CCSER1: variants seen among roughly 807,000 people sequenced by gnomAD.
CCSER1 encodes coiled-coil serine rich protein 1.
In CCSER1, 41 loss-of-function variants were observed where a neutral mutation model predicts 82.0. The observed-to-expected ratio is 0.50, with a 90% CI of 0.39 to 0.65. The LOEUF (loss-of-function observed/expected upper bound fraction) is 0.65. Ranked by LOEUF, CCSER1 falls within the 30% of genes least tolerant of loss-of-function variation. The probability of loss-of-function intolerance (pLI) is 0.00; values close to 1 mark genes in which losing one functional copy is unlikely to be tolerated. For synonymous variants in CCSER1, 414 were observed against 383.9 expected, an observed-to-expected ratio of 1.08 and a Z score of -0.92; for missense variants, 1,119 against 1,064.2, an observed-to-expected ratio of 1.05 and a Z score of -0.72.
chr4:91,206,661 A>G (rs2149077041), intron 10 of CCSER1, among the ~76,000 whole-genome samples: 1 of 151,982 alleles, frequency 6.6e-6, no homozygotes, highest in Admixed American at 6.6e-5. Flanking sequence ...GAAAGACTCT[A>G]GCTCCTGTTT....
intron 10 of CCSER1, among the ~76,000 whole-genome samples, chr4:91,088,524 A>G (rs1303017325): frequency 6.6e-6 from 1 of 152,206 alleles, no homozygotes. Context: ...AATGTAAATT[A>G]CTTTTCTGAA....
intron 1 of CCSER1, among the ~76,000 whole-genome samples, chr4:90,298,164 T>G (rs1460844611): frequency 6.6e-6 from 1 of 152,114 alleles, no homozygotes; most frequent in Non-Finnish European, 1.5e-5. Context: ...ATTGCCACAA[T>G]TTCAGCTCCT....
At chr4:91,111,977 A>C (rs67816799) in intron 10 of CCSER1, among the ~76,000 whole-genome samples, 53,090 of 151,946 alleles carry the variant, frequency 0.35, 9,580 homozygotes, top group East Asian at 0.45. Context: ...CTTAAAGCAT[A>C]AACCAGTTTT....
At chr4:90,732,661 A>G (rs1744961674) in intron 7 of CCSER1, among the ~76,000 whole-genome samples, 1 of 152,200 alleles carries the variant, frequency 6.6e-6, no homozygotes, top group Non-Finnish European at 1.5e-5. Context: ...TCAAGTTCTT[A>G]GATACCAACC....
chr4:91,484,249 T>C (rs1441974806), intron 10 of CCSER1, among the ~76,000 whole-genome samples: 2 of 152,174 alleles, frequency 1.3e-5, no homozygotes, highest in Non-Finnish European at 2.9e-5. Context: ...TTTGTTACTC[T>C]AGAACCTTGA....
At chr4:90,185,366 C>T (rs1234787226) in intron 1 of CCSER1, among the ~76,000 whole-genome samples, 1 of 151,970 alleles carries the variant, frequency 6.6e-6, no homozygotes, top group African/African-American at 2.4e-5. Flanking sequence ...ATGGCCTCCT[C>T]CCTAGTTGAG....
chr4:90,746,468 C>T (rs373562062), intron 7 of CCSER1, among the ~76,000 whole-genome samples: 7 of 152,252 alleles, frequency 4.6e-5, no homozygotes, highest in African/African-American at 1.7e-4. Flanking sequence ...ATAATATCAG[C>T]CTACCAAGTT....
rs574055295 is a variant in CCSER1 at position 91,115,396 on chromosome 4, G to A, written c.2217+29402G>A. On this transcript the variant is annotated intron_variant, in intron 10 of 10. Coordinates refer to ENST00000509176, the MANE Select transcript of CCSER1 (RefSeq NM_001145065.2). ...GGCTGGAGTGCAGTGGCCTGATCTC[G>A]GCTCACCGCAACCTCCATCTCCCAC... Among the ~76,000 whole-genome samples the A allele has an allele frequency of 5.9e-5, 9 of 151,688 alleles. No homozygotes were observed. In the South Asian group the frequency reaches 1.5e-3, roughly 25 times the overall value.
At chr4:91,050,183 C>T (rs772465736) in intron 9 of CCSER1, among the ~76,000 whole-genome samples, 1 of 152,140 alleles carries the variant, frequency 6.6e-6, no homozygotes, top group Admixed American at 6.5e-5. Flanking sequence ...GTAGTCTCAG[C>T]ACTTTGGGAG....
chr4:91,481,766 C>G (rs1013809652), intron 10 of CCSER1, among the ~76,000 whole-genome samples: 1 of 151,832 alleles, frequency 6.6e-6, no homozygotes, highest in Middle Eastern at 3.2e-3. Flanking sequence ...TCATAGTGGC[C>G]CAGGTGGAGG....
intron 10 of CCSER1, among the ~76,000 whole-genome samples, chr4:91,436,076 G>C (rs182160129): frequency 2.0e-5 from 3 of 152,276 alleles, no homozygotes; most frequent in East Asian, 3.9e-4. Flanking sequence ...TTATATCACT[G>C]TAGTTACATT....
chr4:91,407,181 T>C (rs1309727641), intron 10 of CCSER1, among the ~76,000 whole-genome samples: 1 of 152,090 alleles, frequency 6.6e-6, no homozygotes, highest in East Asian at 1.9e-4. Flanking sequence ...AATAAATAAA[T>C]AGCTAGAAGG....
intron 1 of CCSER1, among the ~76,000 whole-genome samples, chr4:90,190,480 A>G (rs17016622): frequency 0.25 from 38,412 of 152,024 alleles, 6,766 homozygotes; most frequent in East Asian, 0.65. Context: ...TTTTACTTAC[A>G]CTAAAGGACA....
At chr4:91,069,129 G>T (rs368081707) in intron 9 of CCSER1, among the ~76,000 whole-genome samples, 1 of 151,910 alleles carries the variant, frequency 6.6e-6, no homozygotes, top group Non-Finnish European at 1.5e-5. Flanking sequence ...AGCTGAGATC[G>T]CGCCACTGCA....
chr4:91,183,508 T>C (rs184634436), intron 10 of CCSER1, among the ~76,000 whole-genome samples: 1 of 152,294 alleles, frequency 6.6e-6, no homozygotes, highest in Admixed American at 6.5e-5. Flanking sequence ...CAAAGCTTTA[T>C]AAAAGCTTTC....
chr4:91,002,371 T>G (rs1738110901), intron 9 of CCSER1, among the ~76,000 whole-genome samples: 1 of 152,230 alleles, frequency 6.6e-6, no homozygotes, highest in Non-Finnish European at 1.5e-5. Flanking sequence ...ATTTCCCTTC[T>G]TCCTCAGGAA....
intron 10 of CCSER1, among the ~76,000 whole-genome samples, chr4:91,257,771 C>T (rs375881784): frequency 9.9e-5 from 15 of 152,086 alleles, no homozygotes; most frequent in African/African-American, 3.1e-4. Context: ...TATTAAATGC[C>T]CTCTGTGGAA....
chr4:90,666,303 C>T (rs1480298510), intron 6 of CCSER1, among the ~76,000 whole-genome samples: 1 of 151,746 alleles, frequency 6.6e-6, no homozygotes, highest in Non-Finnish European at 1.5e-5. Flanking sequence ...TCCTTTTTGC[C>T]ATGTTATGTT....
intron 5 of CCSER1, among the ~76,000 whole-genome samples, chr4:90,522,209 A>C (rs1361621402): frequency 6.6e-6 from 1 of 152,164 alleles, no homozygotes; most frequent in Non-Finnish European, 1.5e-5. Flanking sequence ...ATTTGTGGTT[A>C]ATAATATCAT....
Sources: allele counts gnomAD v4.1 joint callset (sites outside exome capture counted in the v4.1 genomes callset), GRCh38; gene constraint gnomAD v4.1.1; transcripts MANE v1.5; gene names NCBI Gene and HGNC (gene_info 2026-07-23, HGNC 2026-07-21).